ANXA8: variants seen among roughly 807,000 people sequenced by gnomAD.
ANXA8 encodes the protein VAC-beta.
A neutral mutation model predicts 26.8 loss-of-function variants in ANXA8; 9 were observed. That is an observed-to-expected ratio of 0.34 (90% CI 0.20 to 0.59). The LOEUF is 0.59. Ranked by LOEUF, ANXA8 falls within the 20% of genes least tolerant of loss-of-function variation. ANXA8 has a pLI of 0.84. For synonymous variants in ANXA8, 39 were observed against 94.8 expected (o/e 0.41, Z 3.42); for missense variants, 83 against 238.5 (o/e 0.35, Z 4.29).
chr10:47,691,400 C>T, the ANXA8 span, among the ~76,000 whole-genome samples: 1 of 142,434 alleles, frequency 7.0e-6, no homozygotes, highest in Non-Finnish European at 1.5e-5. Context: ...CCATTGTCCA[C>T]TCTCCTGCCC....
the ANXA8 span, among the ~76,000 whole-genome samples, chr10:47,778,086 A>G: frequency 6.6e-6 from 1 of 151,822 alleles, no homozygotes; most frequent in African/African-American, 2.4e-5. Context: ...ATTTGTGGCT[A>G]GTTATCCTCT....
At chr10:47,666,273 G>T in the ANXA8 span, among the ~76,000 whole-genome samples, 1 of 149,334 alleles carries the variant, frequency 6.7e-6, no homozygotes, top group Non-Finnish European at 1.5e-5. Flanking sequence ...GGTAGACAAG[G>T]TAAGTATTCA....
the ANXA8 span, among the ~76,000 whole-genome samples, chr10:47,749,742 G>A: frequency 6.7e-6 from 1 of 150,234 alleles, no homozygotes; most frequent in South Asian, 2.1e-4. Context: ...AAACAAAAAT[G>A]GGTAAGACAA....
the ANXA8 span, among the ~76,000 whole-genome samples, chr10:47,748,650 C>T: frequency 1.3e-5 from 2 of 152,200 alleles, no homozygotes; most frequent in Non-Finnish European, 1.5e-5. Context: ...CTTCCTGCCT[C>T]CCTCCTGTCG....
chr10:47,664,719 T>C, the ANXA8 span, among the ~76,000 whole-genome samples: 2 of 149,124 alleles, frequency 1.3e-5, no homozygotes, highest in Non-Finnish European at 3.0e-5. Flanking sequence ...AGAGGAATAT[T>C]GGGTTTTTTT....
chr10:47,594,917 T>C, the ANXA8 span, among the ~76,000 whole-genome samples: 1 of 149,188 alleles, frequency 6.7e-6, no homozygotes, highest in Non-Finnish European at 1.5e-5. Context: ...CCAGAGAACC[T>C]CTGTTATACA....
the ANXA8 span, among the ~76,000 whole-genome samples, chr10:47,900,742 A>G: frequency 9.6e-6 from 1 of 104,068 alleles, no homozygotes; most frequent in Non-Finnish European, 1.9e-5. Context: ...CCTTACCAGA[A>G]TCTCACTAAT....
chr10:47,623,102 C>T, the ANXA8 span, among the ~76,000 whole-genome samples: 2 of 110,570 alleles, frequency 1.8e-5, no homozygotes, highest in Non-Finnish European at 3.9e-5. Flanking sequence ...ATTTACCCAT[C>T]TTTTAGTTTA....
the ANXA8 span, among the ~76,000 whole-genome samples, chr10:47,715,297 T>A: frequency 1.2e-5 from 1 of 80,438 alleles, no homozygotes; most frequent in East Asian, 3.6e-4. Flanking sequence ...AATACAAAAA[T>A]TAGCCGGGAG....
the ANXA8 span, among the ~76,000 whole-genome samples, chr10:47,610,343 G>T: frequency 1.6e-4 from 23 of 145,754 alleles, 1 homozygote; most frequent in African/African-American, 5.6e-4. Context: ...TAAAATAAAA[G>T]AAACTTTAAT....
the ANXA8 span, among the ~76,000 whole-genome samples, chr10:47,584,916 C>T: frequency 2.1e-5 from 3 of 143,858 alleles, no homozygotes; most frequent in Admixed American, 6.8e-5. Flanking sequence ...GGCGAAACCC[C>T]GTCTCTACTA....
At chr10:47,755,555 C>CTTTTTTTT in the ANXA8 span, among the ~76,000 whole-genome samples, 6 of 82,986 alleles carry the variant, frequency 7.2e-5, 1 homozygote, top group South Asian at 9.0e-4. Flanking sequence ...GTGCCCGGCC[C>CTTTTTTTT]TTTTTTTTTT....
chr10:47,580,708 A>C, the ANXA8 span, among the ~76,000 whole-genome samples: 2 of 149,502 alleles, frequency 1.3e-5, no homozygotes, highest in African/African-American at 5.0e-5. Flanking sequence ...ATACCACTAC[A>C]CTCCAGCCTG....
chr10:47,600,436 G>A, the ANXA8 span, among the ~76,000 whole-genome samples: 2 of 148,168 alleles, frequency 1.3e-5, no homozygotes, highest in East Asian at 2.0e-4. Context: ...TCAACCCATC[G>A]GGATGTTGGA....
At chr10:47,667,489 T>G in the ANXA8 span, among the ~76,000 whole-genome samples, 2 of 151,902 alleles carry the variant, frequency 1.3e-5, no homozygotes, top group African/African-American at 4.8e-5. Context: ...CTGCACTCAG[T>G]GTTTTTTTGT....
chr10:47,689,369 C>T, the ANXA8 span, among the ~76,000 whole-genome samples: 5 of 151,848 alleles, frequency 3.3e-5, no homozygotes, highest in South Asian at 1.0e-3. Context: ...GTATAGACGG[C>T]GTTTCACGCT....
At chr10:47,487,109 T>G, upstream of ANXA8, 4 of 1,193,322 alleles carry the variant, frequency 3.4e-6, no homozygotes, top group Non-Finnish European at 4.6e-6. Flanking sequence ...ATTCTGTGCA[T>G]GTAATAAATA....
At chr10:47,585,135 C>T in the ANXA8 span, among the ~76,000 whole-genome samples, 146 of 141,290 alleles carry the variant, frequency 1.0e-3, no homozygotes, top group African/African-American at 4.1e-3. Context: ...TGGTGGTGGG[C>T]GCCTGTAATC....
the ANXA8 span, among the ~76,000 whole-genome samples, chr10:47,660,653 G>C: frequency 6.6e-6 from 1 of 151,680 alleles, no homozygotes; most frequent in African/African-American, 2.4e-5. Flanking sequence ...TGCCTGCCTC[G>C]GTCTCCCAAA....
Sources: allele counts gnomAD v4.1 joint callset (sites outside exome capture counted in the v4.1 genomes callset), GRCh38; gene constraint gnomAD v4.1.1; transcripts MANE v1.5; gene names NCBI Gene and HGNC (gene_info 2026-07-23, HGNC 2026-07-21).